The following MCTP1 variants were observed in gnomAD, a reference collection of about 807,000 sequenced individuals.
The protein encoded by MCTP1 is multiple C2 and transmembrane domain-containing protein 1.
MCTP1 carries 69 observed loss-of-function variants against 120.6 expected under a neutral mutation model. The ratio of observed to expected loss-of-function variants is 0.57; its 90% CI spans 0.47 to 0.70. The LOEUF (loss-of-function observed/expected upper bound fraction) is 0.70. Among genes scored for constraint, MCTP1 ranks in the 30% least tolerant of loss-of-function variants. The pLI is 0.00. For missense variants in MCTP1, 1,203 were observed against 1,248.8 expected, an observed-to-expected ratio of 0.96 and a Z score of 0.55; for synonymous variants, 529 against 493.1, an observed-to-expected ratio of 1.07 and a Z score of -0.96.
chr5:94,944,706 C>T (rs1352632875), intron 3 of MCTP1, among the ~76,000 whole-genome samples: 1 of 152,182 alleles, frequency 6.6e-6, no homozygotes, highest in African/African-American at 2.4e-5. Flanking sequence ...CTTTAACTCT[C>T]AATTCCTATT....
At chr5:95,278,539 T>G (rs867776441) in intron 1 of MCTP1, among the ~76,000 whole-genome samples, 1 of 152,106 alleles carries the variant, frequency 6.6e-6, no homozygotes, top group African/African-American at 2.4e-5. Context: ...AGTATGCAAA[T>G]AATGACCCTC....
chr5:95,012,435 T>A (rs954184284), intron 2 of MCTP1, among the ~76,000 whole-genome samples: 2 of 152,128 alleles, frequency 1.3e-5, no homozygotes, highest in African/African-American at 4.8e-5. Context: ...CTCATTTCAT[T>A]GCACTTTGTT....
At chr5:94,920,646 G>A (rs1003279084) in intron 7 of MCTP1, among the ~76,000 whole-genome samples, 1 of 151,938 alleles carries the variant, frequency 6.6e-6, no homozygotes, top group African/African-American at 2.4e-5. Context: ...GGAGGCTGAG[G>A]TAGGAGAATG....
At chr5:95,056,495 C>T (rs1446135882) in intron 1 of MCTP1, among the ~76,000 whole-genome samples, 1 of 152,056 alleles carries the variant, frequency 6.6e-6, no homozygotes, top group African/African-American at 2.4e-5. Flanking sequence ...AAACATAAAA[C>T]AATGGATACA....
chr5:94,769,753 GC>G (rs957762413), intron 19 of MCTP1, among the ~76,000 whole-genome samples: 8 of 151,878 alleles, frequency 5.3e-5, no homozygotes, highest in Non-Finnish European at 1.5e-5. Context: ...TTTTGGATTT[GC>G]CCCAAGAAAA....
intron 1 of MCTP1, among the ~76,000 whole-genome samples, chr5:95,121,103 C>T (rs1016000047): frequency 4.0e-5 from 6 of 151,854 alleles, no homozygotes; most frequent in East Asian, 1.9e-4. Flanking sequence ...GCAGTGAAAC[C>T]CCGTCTCTAC....
intron 12 of MCTP1, among the ~76,000 whole-genome samples, chr5:94,882,450 C>G (rs569794947): frequency 2.0e-4 from 30 of 151,978 alleles, no homozygotes; most frequent in African/African-American, 7.0e-4. Flanking sequence ...CTAGTTAAAT[C>G]TAGATCCTCT....
chr5:94,735,290 T>C (rs905405699), intron 19 of MCTP1, among the ~76,000 whole-genome samples: 3 of 152,172 alleles, frequency 2.0e-5, no homozygotes, highest in African/African-American at 7.2e-5. Flanking sequence ...ATAGTGTCAC[T>C]TTTTACACTT....
intron 17 of MCTP1, among the ~76,000 whole-genome samples, chr5:94,813,464 C>G (rs1465155025): frequency 1.3e-5 from 2 of 152,098 alleles, no homozygotes; most frequent in Non-Finnish European, 2.9e-5. Flanking sequence ...CTACTCCTAT[C>G]AAAGAAAAAT....
rs570923790 is a variant in MCTP1, at chr5:94,800,750, T to G, written c.2437-1618A>C. 3.9e-5 allele frequency among the ~76,000 whole-genome samples: 6 copies of G among 152,280 alleles called. No individual in the cohort carries two copies. The South Asian group carries it at 1.2e-3, about 32-fold the overall frequency. ...GTATATTTTACCGAATTCTTTTATA[T>G]TCATAACCAAGTGGGCACCAAAAAG... On this transcript the variant is annotated intron_variant, in intron 17 of 22. Transcript: ENST00000515393.
intron 2 of MCTP1, among the ~76,000 whole-genome samples, chr5:94,980,424 G>A (rs1396553459): frequency 3.3e-5 from 5 of 152,166 alleles, no homozygotes; most frequent in South Asian, 4.1e-4. Context: ...TCATATAGAC[G>A]GAATGTAGAG....
chr5:95,150,387 G>A (rs1760779295), intron 1 of MCTP1, among the ~76,000 whole-genome samples: 1 of 152,122 alleles, frequency 6.6e-6, no homozygotes, highest in South Asian at 2.1e-4. Flanking sequence ...TTCTAAGCCG[G>A]TGGTTCTGAT....
At chr5:95,137,693 T>G (rs1759549470) in intron 1 of MCTP1, among the ~76,000 whole-genome samples, 1 of 152,228 alleles carries the variant, frequency 6.6e-6, no homozygotes, top group South Asian at 2.1e-4. Context: ...ATTTCATCTA[T>G]ATTTTCCCTT....
intron 1 of MCTP1, among the ~76,000 whole-genome samples, chr5:95,207,276 G>A (rs184115328): frequency 3.9e-5 from 6 of 152,276 alleles, no homozygotes; most frequent in African/African-American, 1.4e-4. Flanking sequence ...AGCAGCAGGG[G>A]TGGTGAATAG....
intron 13 of MCTP1, among the ~76,000 whole-genome samples, chr5:94,872,740 C>T (rs916337624): frequency 2.0e-5 from 3 of 151,980 alleles, no homozygotes; most frequent in Non-Finnish European, 4.4e-5. Context: ...AAGCATCTGC[C>T]GAATTCGAGA....
intron 17 of MCTP1, among the ~76,000 whole-genome samples, chr5:94,831,275 T>C (rs1024947433): frequency 4.6e-5 from 7 of 152,180 alleles, no homozygotes; most frequent in African/African-American, 1.7e-4. Flanking sequence ...GTTGATGACA[T>C]CAAGTCAAGG....
At position 94,793,901 on chromosome 5, in the gene MCTP1, G is replaced by T. The variant is rs533762640; in HGVS notation, c.2556+5112C>A. On this transcript the variant is annotated intron_variant, in intron 18 of 22. Coordinates refer to ENST00000515393, the MANE Select transcript of MCTP1 (RefSeq NM_024717.7). ...ATGGCACAGAGTGCTGCTCTTAGGAGCTTTATTTGTAGAGATAAGTGCTCT... is the reference window on the plus strand; with the variant it reads ...ATGGCACAGAGTGCTGCTCTTAGGATCTTTATTTGTAGAGATAAGTGCTCT... Among the ~76,000 whole-genome samples, 10 of 152,304 alleles carry T rather than the reference G, an allele frequency of 6.6e-5. No individual in the cohort carries two copies. The South Asian group carries it at 1.7e-3, about 25-fold the overall frequency.
At chr5:94,959,326 C>T (rs1423655608) in intron 2 of MCTP1, among the ~76,000 whole-genome samples, 1 of 152,046 alleles carries the variant, frequency 6.6e-6, no homozygotes, top group African/African-American at 2.4e-5. Flanking sequence ...ACTGAATGGG[C>T]AAAAGTTGGA....
chr5:95,235,967 C>T (rs533319758), intron 1 of MCTP1, among the ~76,000 whole-genome samples: 27 of 152,214 alleles, frequency 1.8e-4, no homozygotes, highest in Non-Finnish European at 3.8e-4. Context: ...ATACAGAAAA[C>T]TAATAAACCT....
Sources: allele counts gnomAD v4.1 joint callset (sites outside exome capture counted in the v4.1 genomes callset), GRCh38; gene constraint gnomAD v4.1.1; transcripts MANE v1.5; gene names NCBI Gene and HGNC (gene_info 2026-07-23, HGNC 2026-07-21).